The following DNAH11 variants were observed in gnomAD, a reference collection of about 807,000 sequenced individuals.
The protein encoded by DNAH11 is axonemal beta dynein heavy chain 11.
DNAH11 carries 442 observed loss-of-function variants against 526.0 expected under a neutral mutation model. The observed-to-expected ratio is 0.84, with a 90% confidence interval of 0.78 to 0.91. The LOEUF (loss-of-function observed/expected upper bound fraction) is 0.91, where lower values mean the gene tolerates loss of function less well. DNAH11 is among the 40% of genes least tolerant of loss of function. The pLI is 0.00. For missense variants in DNAH11, 6,989 were observed against 5,448.7 expected (o/e 1.28, Z -8.90); for synonymous variants, 2,461 against 1,935.9 (o/e 1.27, Z -7.12).
intron 31 of DNAH11, among the ~76,000 whole-genome samples, chr7:21,682,341 A>G (rs1007566187): frequency 6.6e-6 from 1 of 152,182 alleles, no homozygotes; most frequent in South Asian, 2.1e-4. Context: ...CCTGGCTAAC[A>G]TGGTGAAACC....
chr7:21,725,967 C>T lies in DNAH11; in HGVS notation c.7423C>T (p.Pro2475Ser). ...ADKIAQFTMD[P>S]DVPLQTVLVH... is the part of the protein sequence containing the mutation. ...CAAAATTGCCCAGTTTACTATGGATCCAGATGTGCCTCTGCAGGTAGGTGT... is the reference window on the plus strand; with the variant it reads ...CAAAATTGCCCAGTTTACTATGGATTCAGATGTGCCTCTGCAGGTAGGTGT... The change falls in exon 45 of 82, where the codon CCA (proline) becomes TCA (serine). Residue 2475 changes from proline to serine, a missense_variant. Coordinates refer to ENST00000409508, the MANE Select transcript of DNAH11 (RefSeq NM_001277115.2). 4 of 1,553,104 alleles carry T rather than the reference C, an allele frequency of 2.6e-6. No homozygotes were observed. Among genetic ancestry groups the T allele is most frequent in the Non-Finnish European group, 3.5e-6 (4 of 1,147,570 alleles).
chr7:21,569,424 G>C (rs967696599), intron 6 of DNAH11, among the ~76,000 whole-genome samples: 3 of 152,152 alleles, frequency 2.0e-5, no homozygotes, highest in African/African-American at 4.8e-5. Flanking sequence ...GGGAGTGTCG[G>C]TTGATCCCAT....
rs1234250803 is a variant in DNAH11 at position 21,704,640 on chromosome 7, A to AT, written c.6468+15dup. The AT allele has an allele frequency of 6.3e-7, 1 of 1,582,402 alleles. No homozygotes were observed. The highest frequency in any genetic ancestry group is 1.2e-5 in the South Asian group (1 of 84,326). On this transcript the variant is annotated intron_variant, in intron 38 of 81. Transcript: ENST00000409508. ...GCTTCATCCTCAAAGTAAAAGGAGC[A>AT]TTTGCTTTTCATGGCAGCTGTTGGG...
At chr7:21,873,091 C>CTTTTT (rs911956193) in intron 73 of DNAH11, among the ~76,000 whole-genome samples, 183 bp from the exon 74 acceptor site, 6 of 132,990 alleles carry the variant, frequency 4.5e-5, no homozygotes, top group African/African-American at 1.6e-4. Flanking sequence ...TCCCTTTTGG[C>CTTTTT]TTTTTTTTTT....
At chr7:21,704,305 A>C (rs1299925692) in intron 37 of DNAH11, 129 bp from the exon 38 acceptor site, 7 of 910,320 alleles carry the variant, frequency 7.7e-6, no homozygotes, top group Non-Finnish European at 9.7e-6. Flanking sequence ...ATAGAATGCC[A>C]TCTTAATGGA....
At chr7:21,664,659 C>A (rs1782358805) in intron 30 of DNAH11, among the ~76,000 whole-genome samples, 1 of 151,938 alleles carries the variant, frequency 6.6e-6, no homozygotes, top group African/African-American at 2.4e-5. Flanking sequence ...GGTGGTCTAA[C>A]TATGTTGAGC....
At chr7:21,831,384 T>G (rs981706727) in intron 65 of DNAH11, among the ~76,000 whole-genome samples, 2 of 152,148 alleles carry the variant, frequency 1.3e-5, no homozygotes, top group African/African-American at 2.4e-5. Context: ...TTTTCCCAGA[T>G]AGGAAATTAA....
chr7:21,858,602 G>T, intron 68 of DNAH11, among the ~76,000 whole-genome samples: 1 of 152,200 alleles, frequency 6.6e-6, no homozygotes, highest in Non-Finnish European at 1.5e-5. Flanking sequence ...TTGAAAAGAA[G>T]CAGCCAGATA....
chr7:21,827,477 C>A (rs1790354492), intron 65 of DNAH11, among the ~76,000 whole-genome samples: 1 of 151,406 alleles, frequency 6.6e-6, no homozygotes. Flanking sequence ...AGTAACTTTA[C>A]TGCAATATGT....
chr7:21,736,876 C>T (rs1785636190), intron 46 of DNAH11, among the ~76,000 whole-genome samples: 1 of 152,132 alleles, frequency 6.6e-6, no homozygotes, highest in South Asian at 2.1e-4. Flanking sequence ...ATATTATTTA[C>T]CTACTTTTTC....
intron 36 of DNAH11, among the ~76,000 whole-genome samples, chr7:21,700,719 T>C (rs1784018339): frequency 6.6e-6 from 1 of 152,118 alleles, no homozygotes; most frequent in African/African-American, 2.4e-5. Flanking sequence ...CAAATGGCCA[T>C]CAATGATAGA....
intron 76 of DNAH11, among the ~76,000 whole-genome samples, chr7:21,892,054 CAG>C (rs1301310889): frequency 6.6e-6 from 1 of 152,100 alleles, no homozygotes; most frequent in Non-Finnish European, 1.5e-5. Flanking sequence ...AAATTCACAT[CAG>C]AGTCTTGATT....
intron 66 of DNAH11, among the ~76,000 whole-genome samples, chr7:21,851,972 A>G (rs185935151): frequency 6.6e-6 from 1 of 152,330 alleles, no homozygotes; most frequent in Non-Finnish European, 1.5e-5. Flanking sequence ...TGCACCCTGG[A>G]GTGCAACTAG....
rs79449551 is a variant in DNAH11, at chr7:21,899,993, G to C, written c.13176G>C (p.Thr4392=). 1.6e-3 allele frequency: 2,570 copies of C among 1,613,794 alleles called. 42 individuals are homozygous for C. The African/African-American group carries it at 0.03, about 19-fold the overall frequency. ...ATATTTCCAAAGCAATCATGCAGAC[G>C]ATGGCTCGAAAAAATGAGTGGCCCC... is the stretch of plus-strand genomic sequence containing the variant. The part of the protein sequence containing the change: ...PQSFLTAIMQ[T]MARKNEWPLD... Residue 4392 remains threonine, a synonymous_variant, in exon 81 of 82, where the codon ACG becomes ACC. Coordinates refer to ENST00000409508, the MANE Select transcript of DNAH11 (RefSeq NM_001277115.2).
intron 30 of DNAH11, among the ~76,000 whole-genome samples, chr7:21,665,008 C>T (rs990397631): frequency 3.3e-5 from 5 of 152,028 alleles, no homozygotes; most frequent in African/African-American, 1.2e-4. Flanking sequence ...ATTCGCTTAT[C>T]GACCTCATCA....
Position 21,848,398 on chromosome 7 carries a change from G to C in DNAH11, c.10897-4069G>C, listed in dbSNP as rs1464642431. Among the ~76,000 whole-genome samples the C allele has an allele frequency of 3.3e-5, 5 of 150,534 alleles. No individual in the cohort carries two copies. The East Asian group carries it at 9.8e-4, about 29-fold the overall frequency. On this transcript the variant is annotated intron_variant, in intron 66 of 81. Transcript: ENST00000409508. ...TTAAAGTGGGTTTTATAGACAGATA[G>C]GTCTTGTTTTTTATCTACTATGTCA... is the stretch of plus-strand genomic sequence containing the variant.
chr7:21,725,804 T>C lies in DNAH11; in HGVS notation c.7267-7T>C. The C allele has an allele frequency of 6.2e-7, 1 of 1,606,586 alleles. No individual in the cohort carries two copies. The highest frequency in any genetic ancestry group is 2.2e-5 in the East Asian group (1 of 44,834). On this transcript the variant is annotated splice_polypyrimidine_tract_variant and splice_region_variant and intron_variant, in intron 44 of 81. Coordinates refer to ENST00000409508, the MANE Select transcript of DNAH11 (RefSeq NM_001277115.2). ...TCTGCAATAAGGATTTCTTTTGTTCTCCTTAGATTTCTGATTATCAAGCTG... is the reference window on the plus strand; with the variant it reads ...TCTGCAATAAGGATTTCTTTTGTTCCCCTTAGATTTCTGATTATCAAGCTG...
rs112098356 is a variant in DNAH11 at position 21,738,484 on chromosome 7, T to C, written c.7646-217T>C. Among the ~76,000 whole-genome samples the C allele has an allele frequency of 1.1e-3, 161 of 152,088 alleles. 1 individual carries two copies. The highest frequency in any genetic ancestry group is 3.7e-3 in the African/African-American group (155 of 41,484). On this transcript the variant is annotated intron_variant, in intron 46 of 81. Transcript: ENST00000409508. The stretch of plus-strand genomic sequence containing the variant: ...GCTGCAGTCTCCATAAAAGGTGAGG[T>C]GGAATGACTTCTGGCAACAGGAGGG...
intron 5 of DNAH11, among the ~76,000 whole-genome samples, chr7:21,563,573 A>G (rs903065733): frequency 6.6e-6 from 1 of 152,240 alleles, no homozygotes; most frequent in African/African-American, 2.4e-5. Context: ...ACATAAAATT[A>G]ACAATTTTAA....
Sources: allele counts gnomAD v4.1 joint callset (sites outside exome capture counted in the v4.1 genomes callset), GRCh38; gene constraint gnomAD v4.1.1; transcripts MANE v1.5; gene names NCBI Gene and HGNC (gene_info 2026-07-23, HGNC 2026-07-21).